The following SPTB variants were observed in gnomAD, a reference collection of about 807,000 sequenced individuals.
SPTB encodes spectrin beta, erythrocytic.
A neutral mutation model predicts 256.2 loss-of-function variants in SPTB; 45 were observed. That is an observed-to-expected ratio of 0.18 (90% CI 0.14 to 0.23). The LOEUF (loss-of-function observed/expected upper bound fraction) is 0.23, where lower values mean the gene tolerates loss of function less well. Ranked by LOEUF, SPTB falls within the 10% of genes least tolerant of loss-of-function variation. The pLI is 1.00. For missense variants in SPTB, 2,715 were observed against 3,040.4 expected, an observed-to-expected ratio of 0.89 and a Z score of 2.52; for synonymous variants, 1,231 against 1,243.1, an observed-to-expected ratio of 0.99 and a Z score of 0.21.
chr14:64,867,438 C>T (rs571659955), intron 1 of SPTB, among the ~76,000 whole-genome samples: 14 of 152,198 alleles, frequency 9.2e-5, no homozygotes, highest in Non-Finnish European at 1.3e-4. Flanking sequence ...CAGGCTACAG[C>T]GTGGACAGCA....
intron 32 of SPTB, chr14:64,766,394 C>T (rs1406971350): frequency 3.4e-5 from 46 of 1,348,674 alleles, no homozygotes; most frequent in Non-Finnish European, 4.1e-5. Context: ...CTAATCATCT[C>T]TGGCTAGTGT....
rs568089238 is a variant in SPTB at position 64,825,599 on chromosome 14, G to A, written c.-51-2454C>T. On this transcript the variant is annotated intron_variant, in intron 1 of 35. Transcript: ENST00000644917. This position sits in a 1 kb window ranked among gnomAD's most constrained non-coding sequence, Gnocchi z 4.8. Reference sequence around the variant, plus strand: ...CCTGAGAAGGGCTGAGCTGCCAGACGCAGGAGGTGAGGTGAGATCAGACCC... The same window carrying A: ...CCTGAGAAGGGCTGAGCTGCCAGACACAGGAGGTGAGGTGAGATCAGACCC... Among the ~76,000 whole-genome samples, 89 of 152,348 alleles carry A rather than the reference G, an allele frequency of 5.8e-4. No homozygotes were observed. In the South Asian group the frequency reaches 0.018, roughly 31 times the overall value.
rs910460436 is a variant in SPTB at position 64,807,511 on chromosome 14, C to T, written c.149-2421G>A. Among the ~76,000 whole-genome samples the T allele has an allele frequency of 3.3e-5, 5 of 152,194 alleles. No individual in the cohort carries two copies. The highest frequency in any genetic ancestry group is 1.3e-4 in the Admixed American group (2 of 15,288). ...GCACAGGCAGGTGGCCTCCTAGCTG[C>T]CTTTTATTTGAAGGCTGGAGTGAAA... On this transcript the variant is annotated intron_variant, in intron 2 of 35. Transcript: ENST00000644917. The surrounding 1 kb of genome is among the most constrained non-coding windows in gnomAD (Gnocchi z 4.7).
intron 33 of SPTB, 59 bp downstream of exon 33, chr14:64,753,478 A>T: frequency 6.2e-7 from 1 of 1,610,416 alleles, no homozygotes; most frequent in Non-Finnish European, 8.5e-7. Flanking sequence ...CTCTGCTAGC[A>T]GAGAGATCCC....
At chr14:64,855,163 G>A (rs2083851958) in intron 1 of SPTB, among the ~76,000 whole-genome samples, 1 of 152,216 alleles carries the variant, frequency 6.6e-6, no homozygotes, top group South Asian at 2.1e-4. Context: ...CCAGTGAGGA[G>A]TGACAGACAA....
intron 28 of SPTB, 117 bp downstream of exon 28, chr14:64,769,473 A>G: frequency 7.2e-7 from 1 of 1,395,930 alleles, no homozygotes. Context: ...CATGAGTGAG[A>G]GCAAGACAAG....
chr14:64,833,811 T>C (rs1466078679), intron 1 of SPTB, among the ~76,000 whole-genome samples: 1 of 152,178 alleles, frequency 6.6e-6, no homozygotes, highest in Non-Finnish European at 1.5e-5. Flanking sequence ...AGATCGTTTG[T>C]TGAATAAATG....
rs2012515 is a variant in SPTB at position 64,775,561 on chromosome 14, G to T, written c.4564-158C>A. 6.6e-6 allele frequency among the ~76,000 whole-genome samples: 1 copy of T among 152,234 alleles called. No homozygotes were observed. Among genetic ancestry groups the T allele is most frequent in the East Asian group, 1.9e-4 (1 of 5,178 alleles). On this transcript the variant is annotated intron_variant, in intron 22 of 35. Transcript: ENST00000644917. This position sits in a 1 kb window ranked among gnomAD's most constrained non-coding sequence, Gnocchi z 5.0. ...ATAAGAACTACCAATGACCTCTTGC[G>T]GGCTGCTAAGCACCTCATGTGCACC...
At chr14:64,800,020 C>A (rs940836537) in intron 8 of SPTB, 86 bp from the exon 9 acceptor site, 1 of 1,508,806 alleles carries the variant, frequency 6.6e-7, no homozygotes, top group Non-Finnish European at 9.1e-7. Flanking sequence ...CAAGGTGCCA[C>A]GAAATGGGGC....
rs145989652 is a variant in SPTB at position 64,786,695 on chromosome 14, G to C, written c.3270C>G (p.Pro1090=). 1 of 1,613,976 alleles carries C rather than the reference G, an allele frequency of 6.2e-7. No individual in the cohort carries two copies. Among genetic ancestry groups the C allele is most frequent in the Non-Finnish European group, 8.5e-7 (1 of 1,180,004 alleles). The stretch of plus-strand genomic sequence containing the variant: ...GCTGCTCAGCCTCTGGGAGGGATTC[G>C]GGCATGTCCTCAGAGGCCACAGCCT... The part of the protein sequence containing the change: ...TQKAVASEDM[P]ESLPEAEQLL... Residue 1090 remains proline (P), a synonymous_variant, in exon 16 of 36, where the codon CCC becomes CCG. Coordinates refer to ENST00000644917, the MANE Select transcript of SPTB (RefSeq NM_001355436.2). The surrounding 1 kb of genome is among the most constrained non-coding windows in gnomAD (Gnocchi z 5.6).
Position 64,868,649 on chromosome 14 carries a change from A to G in SPTB, c.-52+11143T>C, listed in dbSNP as rs188312563. ...AGCAGTGGTAAACAAGCTAGGAGGG[A>G]AAAAAGGAGGGCCCAGGTCACAGAA... On this transcript the variant is annotated intron_variant, in intron 1 of 35. Transcript: ENST00000644917. 2.1e-3 allele frequency among the ~76,000 whole-genome samples: 316 copies of G among 152,298 alleles called. 4 individuals are homozygous for G. The highest frequency in any genetic ancestry group is 0.012 in the Admixed American group (177 of 15,292).
In SPTB at chr14:64,807,781, C is replaced by A. The variant is rs1281266514; in HGVS notation, c.149-2691G>T. ...GGCCTGGAGCCAGCTAGGCTGGGAA[C>A]CCTGGTAGTGTGGACAGGAAGAGAG... On this transcript the variant is annotated intron_variant, in intron 2 of 35. Coordinates refer to ENST00000644917, the MANE Select transcript of SPTB (RefSeq NM_001355436.2). This position sits in a 1 kb window ranked among gnomAD's most constrained non-coding sequence, Gnocchi z 4.7. Among the ~76,000 whole-genome samples the A allele has an allele frequency of 6.6e-6, 1 of 152,220 alleles. No homozygotes were observed. Among genetic ancestry groups the A allele is most frequent in the Non-Finnish European group, 1.5e-5 (1 of 68,038 alleles).
chr14:64,765,025 C>CAT (rs2082145698), intron 32 of SPTB, among the ~76,000 whole-genome samples: 1 of 118,254 alleles, frequency 8.5e-6, no homozygotes, highest in African/African-American at 3.2e-5. Context: ...GGAGTGTGTG[C>CAT]GTGTGTGTGT....
At position 64,817,959 on chromosome 14, in the gene SPTB, G is replaced by A. The variant is rs1455213704; in HGVS notation, c.148+4988C>T. On this transcript the variant is annotated intron_variant, in intron 2 of 35. Coordinates refer to ENST00000644917, the MANE Select transcript of SPTB (RefSeq NM_001355436.2). ...GCAACTATGTGCTTCAGAGTGCAGG[G>A]ACACAGGCTGTAGTGCACCTGCTGT... 2.0e-5 allele frequency among the ~76,000 whole-genome samples: 3 copies of A among 152,228 alleles called. 1 individual carries two copies. Among genetic ancestry groups the A allele is most frequent in the South Asian group, 4.1e-4 (2 of 4,838 alleles).
chr14:64,837,497 G>A (rs2083543217), intron 1 of SPTB, among the ~76,000 whole-genome samples: 2 of 152,178 alleles, frequency 1.3e-5, no homozygotes, highest in African/African-American at 4.8e-5. Context: ...AATCAATATT[G>A]TTAAGATGTC....
At chr14:64,828,986 A>G (rs1407266504) in intron 1 of SPTB, among the ~76,000 whole-genome samples, 1 of 152,230 alleles carries the variant, frequency 6.6e-6, no homozygotes, top group Non-Finnish European at 1.5e-5. Context: ...AACCCATCAG[A>G]TAATGGGTTG....
In SPTB at chr14:64,802,020, C is replaced by G. The variant is rs1454869456; in HGVS notation, c.567-186G>C. On this transcript the variant is annotated intron_variant, in intron 5 of 35. Transcript: ENST00000644917. This position sits in a 1 kb window ranked among gnomAD's most constrained non-coding sequence, Gnocchi z 5.1. ...CCATCAGATGTGAACACCACACAGA[C>G]CCCCCAGTCTGCCTGCAGGCAACTT... Among the ~76,000 whole-genome samples, 1 of 152,100 alleles carries G rather than the reference C, an allele frequency of 6.6e-6. No individual in the cohort carries two copies. Among genetic ancestry groups the G allele is most frequent in the African/African-American group, 2.4e-5 (1 of 41,426 alleles).
intron 32 of SPTB, among the ~76,000 whole-genome samples, chr14:64,765,044 G>C: frequency 7.2e-6 from 1 of 139,742 alleles, no homozygotes; most frequent in African/African-American, 2.7e-5. Context: ...GTGTGTGTGC[G>C]CGCGCGCGCG....
chr14:64,872,240 A>G (rs1882574503), intron 1 of SPTB, among the ~76,000 whole-genome samples: 1 of 152,202 alleles, frequency 6.6e-6, no homozygotes, highest in African/African-American at 2.4e-5. Context: ...GCCAAAAACA[A>G]TGGAATCATC....
Sources: allele counts gnomAD v4.1 joint callset (sites outside exome capture counted in the v4.1 genomes callset), GRCh38; gene constraint gnomAD v4.1.1; non-coding constraint Gnocchi (gnomAD v3.1); transcripts MANE v1.5; gene names NCBI Gene and HGNC (gene_info 2026-07-23, HGNC 2026-07-21).